Variants in PTPRD observed in about 807,000 individuals in gnomAD.
PTPRD encodes receptor-type tyrosine-protein phosphatase delta.
In PTPRD, 34 loss-of-function variants were observed where a neutral mutation model predicts 214.5. The ratio of observed to expected loss-of-function variants is 0.16; its 90% CI spans 0.12 to 0.21. The LOEUF is 0.21. Among genes scored for constraint, PTPRD ranks in the 10% least tolerant of loss-of-function variants. PTPRD has a pLI of 1.00. For synonymous variants in PTPRD, 1,128 were observed against 845.7 expected (o/e 1.33, Z -5.79); for missense variants, 2,545 against 2,398.7 (o/e 1.06, Z -1.27).
At chr9:10,308,786 C>A (rs992150887) in intron 3 of PTPRD, among the ~76,000 whole-genome samples, 1 of 151,916 alleles carries the variant, frequency 6.6e-6, no homozygotes, top group African/African-American at 2.4e-5. Flanking sequence ...TCAAGCAGTT[C>A]GTTTCTATCA....
rs142479265 is a variant in PTPRD at position 9,935,366 on chromosome 9, C to T, written c.-368+3141G>A. Among the ~76,000 whole-genome samples the T allele has an allele frequency of 3.1e-3, 471 of 152,238 alleles. 4 individuals are homozygous for T. The highest frequency in any genetic ancestry group is 0.017 in the East Asian group (87 of 5,178). On this transcript the variant is annotated intron_variant, in intron 5 of 45. Transcript: ENST00000381196. ...CCCAAAATCTCCTTAAGCTGATAAGCGACTTCAGCAGTCTCAGGATACAAA... is the reference window on the plus strand; with the variant it reads ...CCCAAAATCTCCTTAAGCTGATAAGTGACTTCAGCAGTCTCAGGATACAAA...
At chr9:10,593,261 G>A (rs2075933067) in intron 2 of PTPRD, among the ~76,000 whole-genome samples, 1 of 151,988 alleles carries the variant, frequency 6.6e-6, no homozygotes, top group African/African-American at 2.4e-5. Context: ...GGTCAGGCCT[G>A]AGCTTTTGCA....
In PTPRD at chr9:10,223,670, A is replaced by AAATAATAAT. The variant is rs67338126; in HGVS notation, c.-545+117284_-545+117292dup. Among the ~76,000 whole-genome samples the AAATAATAAT allele has an allele frequency of 3.5e-3, 467 of 134,338 alleles. 2 individuals carry two copies. The highest frequency in any genetic ancestry group is 7.2e-3 in the East Asian group (33 of 4,576). The allele number at this position is 134,338 out of a possible 152,430, so 88.1% of individuals were successfully genotyped here. ...GGGTGACAGAATGAGATTCTGTCTC[A>AAATAATAAT]AATAATAATAATAATAATAATAATA... On this transcript the variant is annotated intron_variant, in intron 3 of 45. Transcript: ENST00000381196.
At chr9:10,541,086 T>C (rs1414301435) in intron 2 of PTPRD, among the ~76,000 whole-genome samples, 3 of 152,216 alleles carry the variant, frequency 2.0e-5, no homozygotes, top group Non-Finnish European at 2.9e-5. Context: ...AAGAGACTAT[T>C]TTCCATATGC....
chr9:9,585,884 T>A (rs1037223433), intron 7 of PTPRD, among the ~76,000 whole-genome samples: 1 of 151,948 alleles, frequency 6.6e-6, no homozygotes, highest in Admixed American at 6.6e-5. Context: ...GTGTTCTGAT[T>A]GGAGATAAAT....
chr9:9,539,479 C>G (rs1231730166), intron 8 of PTPRD, among the ~76,000 whole-genome samples: 3 of 151,754 alleles, frequency 2.0e-5, no homozygotes, highest in East Asian at 3.9e-4. Context: ...TTTGGGGGTC[C>G]AACTCTAAAA....
intron 9 of PTPRD, among the ~76,000 whole-genome samples, chr9:9,231,231 C>G (rs2133854309): frequency 6.6e-6 from 1 of 152,226 alleles, no homozygotes; most frequent in East Asian, 1.9e-4. Flanking sequence ...AAAACAGACA[C>G]AGAATTCCAT....
intron 10 of PTPRD, among the ~76,000 whole-genome samples, chr9:9,097,584 G>A (rs949311092): frequency 8.0e-5 from 12 of 149,520 alleles, no homozygotes; most frequent in Non-Finnish European, 1.8e-4. Context: ...AATTTTTTTT[G>A]TATTTTTAGT....
intron 3 of PTPRD, among the ~76,000 whole-genome samples, chr9:10,263,939 T>C (rs1455714215): frequency 6.6e-6 from 1 of 152,118 alleles, no homozygotes; most frequent in East Asian, 1.9e-4. Flanking sequence ...AAAGGCTCCA[T>C]CCATGGCGAA....
intron 5 of PTPRD, among the ~76,000 whole-genome samples, chr9:9,875,940 G>A (rs1228666890): frequency 6.6e-6 from 1 of 152,134 alleles, no homozygotes; most frequent in Non-Finnish European, 1.5e-5. Flanking sequence ...AAGATGGGAT[G>A]AGAGAGACAT....
At position 10,488,344 on chromosome 9, in the gene PTPRD, G is replaced by A. The variant is rs1284799760; in HGVS notation, c.-600+124054C>T. Among the ~76,000 whole-genome samples, 3 of 146,724 alleles carry A rather than the reference G, an allele frequency of 2.0e-5. No individual in the cohort carries two copies. The Admixed American group carries it at 2.1e-4, about 10-fold the overall frequency. ...ATCGCACCACTGCACTCCAGCCTGG[G>A]CAACAGAGTGAGACTCTGTCTCAAA... On this transcript the variant is annotated intron_variant, in intron 2 of 45. Transcript: ENST00000381196.
intron 39 of PTPRD, among the ~76,000 whole-genome samples, chr9:8,359,985 T>C (rs1267098431): frequency 6.6e-6 from 1 of 152,208 alleles, no homozygotes. Context: ...GCTCAATGTT[T>C]GTTAGGAGGC....
At position 8,974,225 on chromosome 9, in the gene PTPRD, C is replaced by T. The variant is rs143054901; in HGVS notation, c.-104+44472G>A. On this transcript the variant is annotated intron_variant, in intron 11 of 45. Coordinates refer to ENST00000381196, the MANE Select transcript of PTPRD (RefSeq NM_002839.4). ...AACCCATTCTGAGTTAATTTTTGTA[C>T]GTAGTGAAAGGTAAAGATCTAATTT... Among the ~76,000 whole-genome samples, 315 of 151,942 alleles carry T rather than the reference C, an allele frequency of 2.1e-3. 2 individuals carry two copies. Among genetic ancestry groups the T allele is most frequent in the African/African-American group, 6.4e-3 (265 of 41,462 alleles).
intron 3 of PTPRD, among the ~76,000 whole-genome samples, chr9:10,153,258 C>A (rs1169529155): frequency 6.6e-6 from 1 of 151,820 alleles, no homozygotes; most frequent in Non-Finnish European, 1.5e-5. Flanking sequence ...CACAATATCA[C>A]ATTGTACCCC....
intron 3 of PTPRD, among the ~76,000 whole-genome samples, chr9:10,126,565 C>T (rs1402288448): frequency 6.6e-6 from 1 of 152,040 alleles, no homozygotes; most frequent in African/African-American, 2.4e-5. Flanking sequence ...GTTGTTATAA[C>T]TCAATAACTA....
At chr9:8,826,035 C>T (rs1056766534) in intron 11 of PTPRD, among the ~76,000 whole-genome samples, 1 of 152,138 alleles carries the variant, frequency 6.6e-6, no homozygotes, top group Non-Finnish European at 1.5e-5. Context: ...CACAGTAGAT[C>T]TTAGCCTCAT....
chr9:9,419,016 G>C (rs1021410055), intron 8 of PTPRD, among the ~76,000 whole-genome samples: 20 of 151,566 alleles, frequency 1.3e-4, no homozygotes, highest in Admixed American at 1.1e-3. Flanking sequence ...TAATTTTGCA[G>C]AATATTTTGT....
At chr9:8,509,302 A>C (rs192086839) in intron 21 of PTPRD, among the ~76,000 whole-genome samples, 1 of 152,234 alleles carries the variant, frequency 6.6e-6, no homozygotes, top group Non-Finnish European at 1.5e-5. Context: ...AATGGAAACA[A>C]GAGTGACCAG....
intron 11 of PTPRD, among the ~76,000 whole-genome samples, chr9:8,849,171 ATTTTTTTTTT>A (rs746565485): frequency 7.4e-5 from 8 of 108,734 alleles, no homozygotes; most frequent in African/African-American, 2.5e-4. Context: ...TCAAAAAAAA[ATTTTTTTTTT>A]TTTTTTTTTT....
Sources: gnomAD v4.1 joint callset for allele counts (sites outside exome capture counted in the v4.1 genomes callset) on GRCh38, gnomAD v4.1.1 for gene constraint, MANE v1.5 for transcripts, NCBI Gene and HGNC (gene_info 2026-07-23, HGNC 2026-07-21) for gene names.